WDR90: variants seen among roughly 807,000 people sequenced by gnomAD.
The protein encoded by WDR90 is WD repeat-containing protein 90.
WDR90 carries 238 observed loss-of-function variants against 195.2 expected under a neutral mutation model. That is an observed-to-expected ratio of 1.22 (90% CI 1.10 to 1.36). WDR90 has a LOEUF of 1.36. Among genes scored for constraint, WDR90 ranks in the 40% most tolerant of loss-of-function variants. The probability of loss-of-function intolerance (pLI) is 0.00; values close to 1 mark genes in which losing one functional copy is unlikely to be tolerated. For missense variants in WDR90, 2,734 were observed against 2,439.5 expected (o/e 1.12, Z -2.54); for synonymous variants, 1,265 against 1,052.4 (o/e 1.20, Z -3.91).
At chr16:664,257 C>T (rs890509606) in intron 34 of WDR90, among the ~76,000 whole-genome samples, 1 of 152,162 alleles carries the variant, frequency 6.6e-6, no homozygotes, top group Non-Finnish European at 1.5e-5. Context: ...CAGCCCCTGG[C>T]GACCGTTGAG....
Position 661,904 on chromosome 16 carries a change from C to A in WDR90, c.3878C>A (p.Pro1293Gln). The change falls in exon 32 of 41, where the codon CCA (proline) becomes CAA (glutamine). Residue 1293 changes from proline to glutamine, a missense_variant. By Grantham distance (76) the Pro-to-Gln change is moderately conservative. Coordinates refer to ENST00000293879, the MANE Select transcript of WDR90 (RefSeq NM_145294.5). ...ADISLQVRRE[P>Q]VPEAVGAGEL... Reference sequence around the variant, plus strand: ...ATACTTTGCCAGGTGCGTCGAGAGCCAGTCCCAGAGGCAGTGGGGGCTGGA... The same window carrying A: ...ATACTTTGCCAGGTGCGTCGAGAGCAAGTCCCAGAGGCAGTGGGGGCTGGA... 1 of 1,609,668 alleles carries A rather than the reference C, an allele frequency of 6.2e-7. No individual in the cohort carries two copies. Among genetic ancestry groups the A allele is most frequent in the Non-Finnish European group, 8.5e-7 (1 of 1,178,568 alleles).
chr16:659,667 G>A (rs947220404), intron 26 of WDR90, among the ~76,000 whole-genome samples: 1 of 152,188 alleles, frequency 6.6e-6, no homozygotes, highest in Non-Finnish European at 1.5e-5. Context: ...CTGTGACCCC[G>A]AGGGGCTTGG....
intron 28 of WDR90, 35 bp downstream of exon 28, chr16:660,749 A>C: frequency 6.5e-7 from 1 of 1,527,588 alleles, no homozygotes; most frequent in Non-Finnish European, 8.9e-7. Context: ...CCCCCAGCCA[A>C]GATGCGGCCG....
chr16:662,190 G>A (rs532702134), intron 32 of WDR90, 30 bp from the exon 33 acceptor site: 12 of 1,522,036 alleles, frequency 7.9e-6, no homozygotes, highest in African/African-American at 2.8e-5. Flanking sequence ...GAAGGCAGCC[G>A]TGGCCCCTTA....
rs199852862 is a variant in WDR90 at position 659,275 on chromosome 16, C to T, written c.3083C>T (p.Ala1028Val). 1,148 of 1,609,320 alleles carry T rather than the reference C, an allele frequency of 7.1e-4. 10 individuals carry two copies. In the African/African-American group the frequency reaches 0.013, roughly 18 times the overall value. ...GPGAGPLEDA[A>V]SRASELPRQQ... is the part of the protein sequence containing the mutation. ...GGCGCAGGACCGCTGGAGGACGCAG[C>T]GTCCAGGGCCAGCGAGCTCCCCCGG... Residue 1028 changes from alanine (A) to valine (V), a missense_variant, in exon 26 of 41, where the codon GCG becomes GTG. By Grantham distance (64) the Ala-to-Val change is moderately conservative (BLOSUM62 0). Transcript: ENST00000293879.
At chr16:652,404 TG>T in intron 9 of WDR90, 62 bp from the exon 10 acceptor site, 4 of 1,538,550 alleles carry the variant, frequency 2.6e-6, no homozygotes, top group Non-Finnish European at 3.5e-6. Context: ...GGCTCGGAGT[TG>T]GTCGGGCATT....
chr16:665,864 G>T, intron 35 of WDR90, 63 bp downstream of exon 35: 1 of 1,551,936 alleles, frequency 6.4e-7, no homozygotes. Context: ...GGCCTGGCAT[G>T]GGCGGGGCCG....
intron 5 of WDR90, 73 bp downstream of exon 5, chr16:650,782 G>T: frequency 1.3e-6 from 2 of 1,562,750 alleles, no homozygotes. Context: ...CCAAGTCCAG[G>T]GTGCTTGGGA....
chr16:650,074 C>A lies in WDR90; in HGVS notation c.186C>A (p.Thr62=), dbSNP rs748079229. ...ANYIQLPKSS[T]QSLGLTGRYL... ...ACATCCAGCTCCCTAAGAGCAGCAC[C>A]CAGTCTCTGGGGCTGACGGGACGAT... is the stretch of plus-strand genomic sequence containing the variant. Residue 62 remains threonine, a synonymous_variant, in exon 3 of 41, where the codon ACC becomes ACA. Transcript: ENST00000293879. 2 of 1,613,042 alleles carry A rather than the reference C, an allele frequency of 1.2e-6. No individual in the cohort carries two copies. Among genetic ancestry groups the A allele is most frequent in the Non-Finnish European group, 1.7e-6 (2 of 1,179,986 alleles).
chr16:655,457 G>A lies in WDR90; in HGVS notation c.1707G>A (p.Ser569=), dbSNP rs751795786. 9.1e-6 allele frequency: 14 copies of A among 1,538,394 alleles called. No homozygotes were observed. The highest frequency in any genetic ancestry group is 3.4e-4 in the Middle Eastern group (2 of 5,870). ...KQARDGCPEP[S]AAMLFVCSRS... is the part of the protein sequence containing the mutation. Reference sequence around the variant, plus strand: ...CCCGGGACGGCTGCCCGGAGCCCTCGGCTGCCATGCTGTGAGTCCCTGCCC... The same window carrying A: ...CCCGGGACGGCTGCCCGGAGCCCTCAGCTGCCATGCTGTGAGTCCCTGCCC... The change falls in exon 15 of 41, where the codon TCG becomes TCA. Residue 569 remains serine, a synonymous_variant. Coordinates refer to ENST00000293879, the MANE Select transcript of WDR90 (RefSeq NM_145294.5).
chr16:650,928 G>A, intron 5 of WDR90, 67 bp from the exon 6 acceptor site: 1 of 1,573,268 alleles, frequency 6.4e-7, no homozygotes, highest in Non-Finnish European at 8.7e-7. Flanking sequence ...GCAGTGCCTT[G>A]GCGGGTGCCC....
chr16:659,940 G>A (rs776369284), intron 26 of WDR90, 118 bp from the exon 27 acceptor site: 22 of 772,546 alleles, frequency 2.8e-5, no homozygotes, highest in Admixed American at 1.2e-4. Context: ...CCTGTGCCCC[G>A]CCGTGCAGTT....
At chr16:664,330 C>T (rs751687442) in intron 34 of WDR90, among the ~76,000 whole-genome samples, 4 of 152,238 alleles carry the variant, frequency 2.6e-5, no homozygotes, top group Admixed American at 2.0e-4. Context: ...CACCTGGCTT[C>T]TCACCCTGAG....
Position 653,504 on chromosome 16 carries a change from C to T in WDR90, c.1234-21C>T, listed in dbSNP as rs539386438. 33 of 1,612,822 alleles carry T rather than the reference C, an allele frequency of 2.0e-5. No homozygotes were observed. The South Asian group carries it at 3.4e-4, about 17-fold the overall frequency. Reference sequence around the variant, plus strand: ...TCACACCTGCAGCCCCTACACCCTCCCTCACCCTTCTGCCTCCTAGGTCTC... The same window carrying T: ...TCACACCTGCAGCCCCTACACCCTCTCTCACCCTTCTGCCTCCTAGGTCTC... On this transcript the variant is annotated intron_variant, in intron 11 of 40. Coordinates refer to ENST00000293879, the MANE Select transcript of WDR90 (RefSeq NM_145294.5).
At position 656,778 on chromosome 16, in the gene WDR90, T is replaced by A; in HGVS notation, c.2249T>A (p.Phe750Tyr). The change falls in exon 19 of 41, where the codon TTC (phenylalanine) becomes TAC (tyrosine). Residue 750 changes from phenylalanine (F) to tyrosine (Y), a missense_variant. Physicochemically the swap from Phe to Tyr is conservative, Grantham distance 22. Transcript: ENST00000293879. ...SSEDAPCAVT[F>Y]HPTRPTFFCG... ...GAGGACGCCCCGTGCGCTGTCACCT[T>A]CCACCCCACAAGGCCAACCTTTTTC... The A allele has an allele frequency of 1.2e-6, 2 of 1,613,230 alleles. No homozygotes were observed. The highest frequency in any genetic ancestry group is 1.7e-6 in the Non-Finnish European group (2 of 1,179,952).
intron 28 of WDR90, 40 bp downstream of exon 28, chr16:660,754 C>G: frequency 6.6e-7 from 1 of 1,523,634 alleles, no homozygotes; most frequent in African/African-American, 1.4e-5. Context: ...AGCCAAGATG[C>G]GGCCGCGCGT....
At chr16:652,076 G>A (rs1311248016) in intron 9 of WDR90, 37 bp downstream of exon 9, 1 of 1,547,578 alleles carries the variant, frequency 6.5e-7, no homozygotes, top group Non-Finnish European at 8.7e-7. Context: ...GGCCTGGTGA[G>A]GTGTGGGCTG....
rs1844832007 is a variant in WDR90, at chr16:660,485, C to T, written c.3289-127C>T. 5 of 954,614 alleles carry T rather than the reference C, an allele frequency of 5.2e-6. No homozygotes were observed. In the Admixed American group the frequency reaches 1.1e-4, roughly 22 times the overall value. 59.1% of individuals were successfully genotyped at this position (954,614 alleles called of 1,614,324 possible). A position where few individuals can be genotyped will look rare whatever the true frequency, so the allele number is the denominator to read the frequency against. On this transcript the variant is annotated intron_variant, in intron 27 of 40. Transcript: ENST00000293879. ...CTCCCACACCTCCTACCCCAGCTTC[C>T]CCGTCTGCCCCTGGGTGTCCTCTGC...
At position 657,825 on chromosome 16, in the gene WDR90, GCCTGCTGGCCTTTGTGGGAC is replaced by G; in HGVS notation, c.2541_2560del (p.Leu848GlnfsTer13). On this transcript the variant is annotated frameshift_variant, in exon 21 of 41. Coordinates refer to ENST00000293879, the MANE Select transcript of WDR90 (RefSeq NM_145294.5). LOFTEE classifies it high-confidence loss of function. The stretch of plus-strand genomic sequence containing the variant: ...GCCCTGGCAGTCAGCAGGGATGGCC[GCCTGCTGGCCTTTGTGGGAC>G]CCTCCAGGTGCACAGTGACAGTCAT... 1 of 1,573,586 alleles carries G rather than the reference GCCTGCTGGCCTTTGTGGGAC, an allele frequency of 6.4e-7. No individual in the cohort carries two copies. The highest frequency in any genetic ancestry group is 8.6e-7 in the Non-Finnish European group (1 of 1,160,006).
Sources: gnomAD v4.1 joint callset for allele counts (sites outside exome capture counted in the v4.1 genomes callset) on GRCh38, gnomAD v4.1.1 for gene constraint, MANE v1.5 for transcripts, NCBI Gene and HGNC (gene_info 2026-07-23, HGNC 2026-07-21) for gene names.